Variants in NDUFAF6 observed in about 807,000 individuals in gnomAD.
NDUFAF6 encodes the protein NADH dehydrogenase (ubiquinone) complex I, assembly factor 6.
A neutral mutation model predicts 40.8 loss-of-function variants in NDUFAF6; 45 were observed. The ratio of observed to expected loss-of-function variants is 1.10; its 90% CI spans 0.87 to 1.42. The LOEUF (loss-of-function observed/expected upper bound fraction) is 1.42, where lower values mean the gene tolerates loss of function less well. Ranked by LOEUF, NDUFAF6 falls within the 40% of genes most tolerant of loss-of-function variation. The probability of loss-of-function intolerance (pLI) is 0.00; values close to 1 mark genes in which losing one functional copy is unlikely to be tolerated. For missense variants in NDUFAF6, 435 were observed against 418.5 expected (o/e 1.04, Z -0.34); for synonymous variants, 185 against 155.9 (o/e 1.19, Z -1.39).
chr8:95,042,279 A>G (rs768966152), intron 4 of NDUFAF6, among the ~76,000 whole-genome samples: 5 of 152,218 alleles, frequency 3.3e-5, no homozygotes, highest in Non-Finnish European at 5.9e-5. Flanking sequence ...ATGCATTGTT[A>G]GGTCTGTGTT....
chr8:94,901,731 G>A lies in NDUFAF6; in HGVS notation c.-936+5804G>A, dbSNP rs150280244. On this transcript the variant is annotated intron_variant, in intron 1 of 14. Transcript: ENST00000396113. ...CAAGTAGCTGGTATTACAGGCATGC[G>A]TCACCATTCCTGGCTAAGTTTTTTT... Among the ~76,000 whole-genome samples, 43 of 152,164 alleles carry A rather than the reference G, an allele frequency of 2.8e-4. No individual in the cohort carries two copies. The East Asian group carries it at 5.8e-3, about 21-fold the overall frequency.
chr8:95,045,913 A>G (rs1830694181), intron 5 of NDUFAF6, among the ~76,000 whole-genome samples: 1 of 152,150 alleles, frequency 6.6e-6, no homozygotes, highest in Non-Finnish European at 1.5e-5. Flanking sequence ...GGTAATTGCA[A>G]GTGGCTTTAC....
chr8:95,105,062 CACACAGAGAGAGAGAGAGAGAG>C (rs1244861955), downstream of NDUFAF6, among the ~76,000 whole-genome samples: 11 of 65,436 alleles, frequency 1.7e-4, no homozygotes, highest in South Asian at 7.0e-3. Context: ...CACACACACA[CACACAGAGAGAGAGAGAGAGAG>C]AGAGAGAGAG....
chr8:95,113,116 G>A (rs574976548), intron 4 of NDUFAF6, among the ~76,000 whole-genome samples: 8 of 152,310 alleles, frequency 5.3e-5, no homozygotes, highest in South Asian at 2.1e-4. Flanking sequence ...GTGATGTGCC[G>A]GAGGTCACAC....
chr8:94,958,513 A>T (rs1586805870), intron 1 of NDUFAF6, among the ~76,000 whole-genome samples: 1 of 133,364 alleles, frequency 7.5e-6, no homozygotes, highest in Non-Finnish European at 1.5e-5. Context: ...CTCCACACAT[A>T]GTCACATTCT....
chr8:94,914,103 CTTTTTT>C (rs563687562), intron 1 of NDUFAF6, among the ~76,000 whole-genome samples: 5 of 98,196 alleles, frequency 5.1e-5, no homozygotes, highest in African/African-American at 1.2e-4. Context: ...GACCTTATCT[CTTTTTT>C]TTTTTTTTTT....
At chr8:95,096,862 A>G (rs889840311), upstream of NDUFAF6, among the ~76,000 whole-genome samples, 4 of 152,220 alleles carry the variant, frequency 2.6e-5, no homozygotes, top group African/African-American at 4.8e-5. Flanking sequence ...ATTTCTCACA[A>G]GAAACACAGC....
At chr8:95,002,050 G>A (rs1164734042) in intron 2 of NDUFAF6, among the ~76,000 whole-genome samples, 1 of 152,240 alleles carries the variant, frequency 6.6e-6, no homozygotes, top group African/African-American at 2.4e-5. Flanking sequence ...ACAATGAAAA[G>A]AGGATTTAGT....
intron 1 of NDUFAF6, among the ~76,000 whole-genome samples, chr8:94,935,185 A>C (rs1293007339): frequency 6.6e-6 from 1 of 152,098 alleles, no homozygotes; most frequent in Non-Finnish European, 1.5e-5. Context: ...ATAATACAAT[A>C]CTTTTCTTAG....
intron 1 of NDUFAF6, among the ~76,000 whole-genome samples, chr8:94,909,658 C>T (rs954184500): frequency 1.3e-5 from 2 of 151,572 alleles, no homozygotes; most frequent in Admixed American, 1.3e-4. Flanking sequence ...AAAAAGCCAG[C>T]CGGGCGTGGT....
intron 1 of NDUFAF6, chr8:94,939,803 G>GTACT: frequency 6.4e-7 from 1 of 1,564,890 alleles, no homozygotes; most frequent in Non-Finnish European, 8.6e-7. Context: ...AATTACAGTA[G>GTACT]AGACAAAATG....
At chr8:95,089,010 T>C (rs1048790119) in intron 2 of NDUFAF6, among the ~76,000 whole-genome samples, 33 of 151,984 alleles carry the variant, frequency 2.2e-4, no homozygotes, top group African/African-American at 7.7e-4. Flanking sequence ...GATTCACTGG[T>C]CTCAGCTTCC....
intron 1 of NDUFAF6, chr8:94,927,599 A>G (rs1221865942): frequency 6.6e-6 from 1 of 152,230 alleles, no homozygotes; most frequent in East Asian, 1.9e-4. Flanking sequence ...GCCACAGAAG[A>G]TAAATAATGG....
upstream of NDUFAF6, among the ~76,000 whole-genome samples, chr8:95,022,358 T>C (rs2131701321): frequency 6.6e-6 from 1 of 151,538 alleles, no homozygotes; most frequent in African/African-American, 2.4e-5. Context: ...CTACTAGATA[T>C]CTATGAAAAC....
At chr8:95,028,782 T>A (rs1046342024) in intron 1 of NDUFAF6, among the ~76,000 whole-genome samples, 2 of 152,198 alleles carry the variant, frequency 1.3e-5, no homozygotes, top group African/African-American at 2.4e-5. Context: ...TGATTCCCAT[T>A]CAGTGTTTTT....
chr8:94,950,653 A>G (rs542115587), intron 2 of NDUFAF6: 2 of 152,348 alleles, frequency 1.3e-5, no homozygotes, highest in Middle Eastern at 3.4e-3. Flanking sequence ...ACTGTGTTCT[A>G]GATAGTCTCA....
At chr8:94,924,008 TTGAG>T (rs1360981793) in intron 1 of NDUFAF6, among the ~76,000 whole-genome samples, 2 of 151,504 alleles carry the variant, frequency 1.3e-5, no homozygotes, top group East Asian at 2.0e-4. Context: ...TTTTTTTCAC[TTGAG>T]TATGTTTAGA....
chr8:94,998,774 T>C (rs1247815862), intron 2 of NDUFAF6, among the ~76,000 whole-genome samples: 1 of 152,126 alleles, frequency 6.6e-6, no homozygotes, highest in Non-Finnish European at 1.5e-5. Flanking sequence ...TTGAGCAGCA[T>C]CTTGAAGGGT....
At chr8:94,991,045 C>T (rs1369457262) in intron 2 of NDUFAF6, among the ~76,000 whole-genome samples, 2 of 152,294 alleles carry the variant, frequency 1.3e-5, no homozygotes, top group African/African-American at 2.4e-5. Context: ...CAGCAGTATA[C>T]CCTAAACTTC....
Sources: allele counts gnomAD v4.1 joint callset (sites outside exome capture counted in the v4.1 genomes callset), GRCh38; gene constraint gnomAD v4.1.1; transcripts MANE v1.5; gene names NCBI Gene and HGNC (gene_info 2026-07-23, HGNC 2026-07-21).